LAMA2: variants seen among roughly 807,000 people sequenced by gnomAD.
LAMA2 encodes laminin subunit alpha-2.
Under a neutral mutation model 364.8 loss-of-function variants are expected in LAMA2, and 269 were observed. That is an observed-to-expected ratio of 0.74 (90% CI 0.67 to 0.82). The LOEUF is 0.82. Ranked by LOEUF, LAMA2 falls within the 40% of genes least tolerant of loss-of-function variation. LAMA2 has a pLI of 0.00. For synonymous variants in LAMA2, 1,379 were observed against 1,370.6 expected (o/e 1.01, Z -0.14); for missense variants, 3,807 against 3,873.2 (o/e 0.98, Z 0.45).
intron 1 of LAMA2, among the ~76,000 whole-genome samples, chr6:128,990,708 G>C (rs1424907226): frequency 2.0e-5 from 3 of 152,064 alleles, no homozygotes; most frequent in Non-Finnish European, 2.9e-5. Flanking sequence ...CTTAATTAGG[G>C]AGTTTATTGT....
chr6:128,905,337 T>A (rs1777368740), intron 1 of LAMA2: 1 of 151,526 alleles, frequency 6.6e-6, no homozygotes, highest in African/African-American at 2.4e-5. Flanking sequence ...TTTATTGAGT[T>A]TAAACCTCTT....
At chr6:129,189,765 A>T (rs1490515018) in intron 10 of LAMA2, among the ~76,000 whole-genome samples, 1 of 152,172 alleles carries the variant, frequency 6.6e-6, no homozygotes, top group Non-Finnish European at 1.5e-5. Context: ...ATGTTCTATT[A>T]TACATCCATG....
intron 20 of LAMA2, among the ~76,000 whole-genome samples, chr6:129,292,432 T>G (rs1342109641): frequency 6.6e-6 from 1 of 152,278 alleles, no homozygotes; most frequent in Non-Finnish European, 1.5e-5. Context: ...CTACTTCCTG[T>G]GAGCAGTCTA....
At chr6:129,320,223 A>C (rs942723634) in intron 27 of LAMA2, among the ~76,000 whole-genome samples, 1 of 152,254 alleles carries the variant, frequency 6.6e-6, no homozygotes, top group Middle Eastern at 3.4e-3. Flanking sequence ...ATCATTGTAA[A>C]GGTCTTCATC....
intron 3 of LAMA2, among the ~76,000 whole-genome samples, chr6:129,067,660 C>T (rs531361598): frequency 2.0e-5 from 3 of 152,326 alleles, no homozygotes; most frequent in Admixed American, 2.0e-4. Flanking sequence ...CCCACAAGGC[C>T]TTAAGGACCT....
intron 10 of LAMA2, among the ~76,000 whole-genome samples, chr6:129,178,086 G>A (rs566773414): frequency 3.1e-4 from 47 of 152,166 alleles, no homozygotes; most frequent in African/African-American, 9.6e-4. Context: ...ACGTTTAAAG[G>A]CTTGTTATTT....
intron 1 of LAMA2, among the ~76,000 whole-genome samples, chr6:129,015,154 T>G (rs1320607534): frequency 6.6e-6 from 1 of 152,126 alleles, no homozygotes; most frequent in African/African-American, 2.4e-5. Flanking sequence ...AAACCGTGAA[T>G]AGAGACATTA....
chr6:129,082,965 T>C lies in LAMA2; in HGVS notation c.397-15208T>C, dbSNP rs554446060. Reference sequence around the variant, plus strand: ...GTTTTATAACAAGCATAGCTATATTTACAGATATTTTTTCTATAAAGTTTT... The same window carrying C: ...GTTTTATAACAAGCATAGCTATATTCACAGATATTTTTTCTATAAAGTTTT... On this transcript the variant is annotated intron_variant, in intron 3 of 64. Coordinates refer to ENST00000421865, the MANE Select transcript of LAMA2 (RefSeq NM_000426.4). 5.9e-5 allele frequency among the ~76,000 whole-genome samples: 9 copies of C among 152,200 alleles called. 1 individual carries two copies. In the South Asian group the frequency reaches 1.9e-3, roughly 31 times the overall value.
rs908294706 is a variant in LAMA2 at position 129,415,360 on chromosome 6, T to C, written c.5865+11401T>C. ...TGCTCTGTGCAGAAGAGAAGGGGTA[T>C]TTTATTCCATAAAATAACTTGCAGT... On this transcript the variant is annotated intron_variant, in intron 40 of 64. Transcript: ENST00000421865. 5.9e-5 allele frequency among the ~76,000 whole-genome samples: 9 copies of C among 152,218 alleles called. No homozygotes were observed. The East Asian group carries it at 1.5e-3, about 26-fold the overall frequency.
At chr6:129,442,695 A>G (rs1225930818) in intron 43 of LAMA2, 2 of 308,764 alleles carry the variant, frequency 6.5e-6, no homozygotes, top group African/African-American at 4.5e-5. Flanking sequence ...CCACCCTCCA[A>G]AAGAATTCCA....
chr6:129,516,075 T>A, intron 64 of LAMA2, 115 bp from the exon 65 acceptor site: 1 of 1,173,750 alleles, frequency 8.5e-7, no homozygotes, highest in Non-Finnish European at 1.3e-6. Flanking sequence ...ACCACTAACT[T>A]TGCATAAAAC....
In LAMA2 at chr6:128,956,349, T is replaced by C. The variant is rs1428403147; in HGVS notation, c.112+72992T>C. On this transcript the variant is annotated intron_variant, in intron 1 of 64. Transcript: ENST00000421865. ...TGGGGTATGTCTATTTATTCTTCTCTGCCTTTAGGGAATTTTTTTAAAAAG... is the reference window on the plus strand; with the variant it reads ...TGGGGTATGTCTATTTATTCTTCTCCGCCTTTAGGGAATTTTTTTAAAAAG... Among the ~76,000 whole-genome samples, 3 of 152,040 alleles carry C rather than the reference T, an allele frequency of 2.0e-5. No individual in the cohort carries two copies. In the East Asian group the frequency reaches 5.8e-4, roughly 29 times the overall value.
At chr6:128,910,826 C>T (rs1777871677) in intron 1 of LAMA2, among the ~76,000 whole-genome samples, 1 of 149,690 alleles carries the variant, frequency 6.7e-6, no homozygotes, top group African/African-American at 2.5e-5. Flanking sequence ...GTGTGGATGT[C>T]CTTTCTGTTT....
chr6:129,475,515 G>T, intron 53 of LAMA2, 114 bp downstream of exon 53: 2 of 733,618 alleles, frequency 2.7e-6, no homozygotes, highest in Non-Finnish European at 2.3e-6. Context: ...TTTGTTCATA[G>T]TATGTTTCAC....
At chr6:129,184,240 G>C (rs1781100650) in intron 10 of LAMA2, among the ~76,000 whole-genome samples, 1 of 151,810 alleles carries the variant, frequency 6.6e-6, no homozygotes, top group Non-Finnish European at 1.5e-5. Flanking sequence ...TTAACTTGTA[G>C]ACTTGATTCC....
intron 48 of LAMA2, among the ~76,000 whole-genome samples, chr6:129,458,636 G>A (rs896502130): frequency 9.2e-5 from 14 of 151,870 alleles, no homozygotes; most frequent in African/African-American, 3.4e-4. Flanking sequence ...TTGCAAGGAC[G>A]ACTCCAATGT....
At chr6:129,375,390 T>G (rs1198478755) in intron 34 of LAMA2, among the ~76,000 whole-genome samples, 2 of 152,190 alleles carry the variant, frequency 1.3e-5, no homozygotes, top group Non-Finnish European at 1.5e-5. Flanking sequence ...CCAAAATTTT[T>G]TAAAGACTTG....
chr6:129,456,125 A>T (rs1045181291), intron 47 of LAMA2, among the ~76,000 whole-genome samples: 1 of 152,142 alleles, frequency 6.6e-6, no homozygotes, highest in Non-Finnish European at 1.5e-5. Flanking sequence ...GTTGAAACTG[A>T]TGTAAGTGTT....
At chr6:128,892,009 A>G (rs980031754) in intron 1 of LAMA2, among the ~76,000 whole-genome samples, 2 of 152,066 alleles carry the variant, frequency 1.3e-5, no homozygotes, top group African/African-American at 4.8e-5. Context: ...TATTCGTAAG[A>G]TAGGTTTAGG....
Sources: allele counts gnomAD v4.1 joint callset (sites outside exome capture counted in the v4.1 genomes callset), GRCh38; gene constraint gnomAD v4.1.1; transcripts MANE v1.5; gene names NCBI Gene and HGNC (gene_info 2026-07-23, HGNC 2026-07-21).